Variants in LY86 observed in about 807,000 individuals in gnomAD.
LY86 encodes the protein lymphocyte antigen 86, also known as MD-1, RP105-associated.
In LY86, 20 loss-of-function variants were observed where a neutral mutation model predicts 17.3. The observed-to-expected ratio is 1.15, with a 90% CI of 0.81 to 1.68. The LOEUF (loss-of-function observed/expected upper bound fraction) is 1.68. Among genes scored for constraint, LY86 ranks in the 40% most tolerant of loss-of-function variants. The pLI, the probability that LY86 is intolerant of heterozygous loss-of-function variation, is 0.00. For missense variants in LY86, 200 were observed against 191.9 expected (o/e 1.04, Z -0.25); for synonymous variants, 74 against 70.6 (o/e 1.05, Z -0.24).
intron 1 of LY86, among the ~76,000 whole-genome samples, chr6:6,622,123 T>G (rs1761695490): frequency 6.6e-6 from 1 of 152,244 alleles, no homozygotes; most frequent in African/African-American, 2.4e-5. Context: ...TGCTTTTATA[T>G]ACATATCCTC....
intron 1 of LY86, among the ~76,000 whole-genome samples, chr6:6,603,603 C>A (rs146200712): frequency 8.0e-4 from 56 of 70,426 alleles, no homozygotes; most frequent in Middle Eastern, 0.011. Context: ...AAAACAGAAA[C>A]AGAAAAAAAA....
intron 1 of LY86, among the ~76,000 whole-genome samples, chr6:6,592,140 ACAT>A (rs751900235): frequency 6.6e-6 from 1 of 152,218 alleles, no homozygotes; most frequent in Admixed American, 6.5e-5. Context: ...GCCTAAGTTG[ACAT>A]CATTTCCGCA....
intron 3 of LY86, among the ~76,000 whole-genome samples, chr6:6,627,021 T>C (rs1234439482): frequency 6.6e-6 from 1 of 152,104 alleles, no homozygotes; most frequent in African/African-American, 2.4e-5. Context: ...CCCCCACCTG[T>C]CCCCACCTCT....
chr6:6,612,273 T>C (rs1761379761), intron 1 of LY86, among the ~76,000 whole-genome samples: 1 of 152,136 alleles, frequency 6.6e-6, no homozygotes, highest in African/African-American at 2.4e-5. Context: ...AGATGTGTTC[T>C]GAGTTTCTTT....
intron 1 of LY86, among the ~76,000 whole-genome samples, chr6:6,612,469 C>T (rs888193382): frequency 2.0e-5 from 3 of 152,148 alleles, no homozygotes; most frequent in Non-Finnish European, 4.4e-5. Context: ...TTCATAAAAG[C>T]AATGCAGACC....
At chr6:6,618,511 C>CA (rs1561786153) in intron 1 of LY86, among the ~76,000 whole-genome samples, 1 of 152,002 alleles carries the variant, frequency 6.6e-6, no homozygotes, top group Non-Finnish European at 1.5e-5. Context: ...CCTTCTCACT[C>CA]AAAAACATAT....
rs983077394 is a variant in LY86 at position 6,598,849 on chromosome 6, G to T, written c.136+9979G>T. Reference sequence around the variant, plus strand: ...AGGACATGCTGAACTTTGTCTGCATGGTCAAGGTTAATCCTTACAACACTT... The same window carrying T: ...AGGACATGCTGAACTTTGTCTGCATTGTCAAGGTTAATCCTTACAACACTT... On this transcript the variant is annotated intron_variant, in intron 1 of 4. Transcript: ENST00000230568. Among the ~76,000 whole-genome samples the T allele has an allele frequency of 3.9e-5, 6 of 152,136 alleles. No homozygotes were observed. In the South Asian group the frequency reaches 1.0e-3, roughly 26 times the overall value.
At chr6:6,649,861 GCAC>G (rs977846236) in intron 4 of LY86, among the ~76,000 whole-genome samples, 184 bp downstream of exon 4, 1 of 152,176 alleles carries the variant, frequency 6.6e-6, no homozygotes, top group Non-Finnish European at 1.5e-5. Flanking sequence ...TTCAGAGTGG[GCAC>G]TTGAAATTTC....
intron 1 of LY86, among the ~76,000 whole-genome samples, chr6:6,601,451 G>A (rs1324012553): frequency 6.6e-6 from 1 of 152,200 alleles, no homozygotes; most frequent in African/African-American, 2.4e-5. Context: ...GGCCGGGCGC[G>A]GTGGCTCACG....
At chr6:6,633,295 T>A (rs751206616) in intron 3 of LY86, among the ~76,000 whole-genome samples, 2 of 152,150 alleles carry the variant, frequency 1.3e-5, no homozygotes, top group Non-Finnish European at 2.9e-5. Flanking sequence ...GGTTCTCAAC[T>A]GGAAGTGAAC....
At chr6:6,595,249 A>G (rs1441019696) in intron 1 of LY86, among the ~76,000 whole-genome samples, 1 of 149,954 alleles carries the variant, frequency 6.7e-6, no homozygotes, top group Non-Finnish European at 1.5e-5. Context: ...GAAGAGAACA[A>G]GAAGGAGGGA....
intron 4 of LY86, among the ~76,000 whole-genome samples, chr6:6,650,830 C>T (rs188090245): frequency 6.6e-6 from 1 of 152,206 alleles, no homozygotes; most frequent in Non-Finnish European, 1.5e-5. Context: ...CTTCTATTAA[C>T]TGTGTGTTTG....
chr6:6,649,543 T>C (rs1310502158), intron 3 of LY86, 82 bp from the exon 4 acceptor site: 11 of 866,770 alleles, frequency 1.3e-5, no homozygotes, highest in Non-Finnish European at 1.5e-5. Context: ...TTGTCACACA[T>C]CTGTGTAACC....
intron 1 of LY86, among the ~76,000 whole-genome samples, chr6:6,614,863 T>G (rs936731342): frequency 3.3e-5 from 5 of 152,014 alleles, no homozygotes; most frequent in African/African-American, 7.3e-5. Context: ...TCCTCAGGAC[T>G]GAGGCAGGGG....
At chr6:6,589,859 C>T (rs565084520) in intron 1 of LY86, among the ~76,000 whole-genome samples, 4 of 152,214 alleles carry the variant, frequency 2.6e-5, no homozygotes, top group African/African-American at 7.2e-5. Flanking sequence ...TGATGGCTCA[C>T]ACCTGTAATC....
At chr6:6,621,828 A>G (rs1761685821) in intron 1 of LY86, among the ~76,000 whole-genome samples, 1 of 152,210 alleles carries the variant, frequency 6.6e-6, no homozygotes, top group Non-Finnish European at 1.5e-5. Context: ...GGCACTGGGG[A>G]GTTAGCTTTG....
chr6:6,606,012 C>A (rs1162016739), intron 1 of LY86, among the ~76,000 whole-genome samples: 6 of 152,168 alleles, frequency 3.9e-5, no homozygotes, highest in African/African-American at 9.7e-5. Context: ...AGCAAAAGAA[C>A]AAAACTTCCA....
At chr6:6,621,427 A>G (rs1427187638) in intron 1 of LY86, 1 of 152,210 alleles carries the variant, frequency 6.6e-6, no homozygotes, top group Non-Finnish European at 1.5e-5. Flanking sequence ...ACCATCTTTT[A>G]TATTGGTAGG....
intron 3 of LY86, among the ~76,000 whole-genome samples, chr6:6,644,603 TTTC>T (rs536042952): frequency 9.0e-4 from 137 of 151,982 alleles, no homozygotes; most frequent in Non-Finnish European, 1.8e-3. Flanking sequence ...AAAAACCAAT[TTTC>T]TTTTCAAAAA....
Sources: allele counts gnomAD v4.1 joint callset (sites outside exome capture counted in the v4.1 genomes callset), GRCh38; gene constraint gnomAD v4.1.1; transcripts MANE v1.5; gene names NCBI Gene and HGNC (gene_info 2026-07-23, HGNC 2026-07-21).